Variants in STK32A observed in about 807,000 individuals in gnomAD.
The protein encoded by STK32A is serine/threonine-protein kinase 32A.
A neutral mutation model predicts 53.2 loss-of-function variants in STK32A; 41 were observed. The ratio of observed to expected loss-of-function variants is 0.77; its 90% CI spans 0.60 to 1.00. The LOEUF (loss-of-function observed/expected upper bound fraction) is 1.00. Among genes scored for constraint, STK32A ranks in the 50% least tolerant of loss-of-function variants. STK32A has a pLI of 0.00. For missense variants in STK32A, 458 were observed against 485.8 expected (o/e 0.94, Z 0.54); for synonymous variants, 166 against 162.8 (o/e 1.02, Z -0.15).
chr5:147,261,008 C>A (rs1754541473), intron 2 of STK32A, among the ~76,000 whole-genome samples: 1 of 152,184 alleles, frequency 6.6e-6, no homozygotes, highest in African/African-American at 2.4e-5. Flanking sequence ...TGTGAGGATC[C>A]TTTAAGCTAG....
chr5:147,341,678 T>C (rs1008356027), intron 5 of STK32A, among the ~76,000 whole-genome samples: 2 of 152,130 alleles, frequency 1.3e-5, no homozygotes, highest in Non-Finnish European at 2.9e-5. Flanking sequence ...TTATAAGGCC[T>C]ATAGTTATTT....
chr5:147,301,068 G>C (rs74333151), intron 4 of STK32A, among the ~76,000 whole-genome samples: 10,136 of 152,194 alleles, frequency 0.067, 378 homozygotes, highest in African/African-American at 0.11. Flanking sequence ...CACAGAAAGG[G>C]GTAGATGGTT....
At chr5:147,292,605 A>G (rs1752651183) in intron 4 of STK32A, among the ~76,000 whole-genome samples, 1 of 152,238 alleles carries the variant, frequency 6.6e-6, no homozygotes, top group African/African-American at 2.4e-5. Flanking sequence ...GCATTGGCTG[A>G]TGCCTATAAT....
chr5:147,277,994 T>A, intron 2 of STK32A, 130 bp from the exon 3 acceptor site: 1 of 725,608 alleles, frequency 1.4e-6, no homozygotes, highest in South Asian at 1.8e-5. Context: ...GATGATTAGA[T>A]TGGCATTTTA....
intron 2 of STK32A, among the ~76,000 whole-genome samples, chr5:147,257,377 A>T (rs1754282313): frequency 6.6e-6 from 1 of 152,046 alleles, no homozygotes; most frequent in South Asian, 2.1e-4. Context: ...TTTTTTCTGA[A>T]ATAGAGAGGT....
intron 2 of STK32A, among the ~76,000 whole-genome samples, chr5:147,264,855 G>T (rs1449851662): frequency 6.6e-6 from 1 of 152,024 alleles, no homozygotes; most frequent in East Asian, 1.9e-4. Context: ...GGGGTAAGTA[G>T]ATCATAGGAC....
At chr5:147,273,103 T>C (rs1053103270) in intron 2 of STK32A, among the ~76,000 whole-genome samples, 29 of 152,172 alleles carry the variant, frequency 1.9e-4, no homozygotes, top group Admixed American at 1.9e-3. Flanking sequence ...CATCAGGGTG[T>C]TATAACAGAC....
chr5:147,332,053 AT>A (rs1169772042), intron 5 of STK32A, among the ~76,000 whole-genome samples: 1 of 152,152 alleles, frequency 6.6e-6, no homozygotes, highest in African/African-American at 2.4e-5. Flanking sequence ...TGTAGTAAAT[AT>A]GTTTCTATTG....
chr5:147,375,777 G>T (rs1330376468), intron 11 of STK32A: 1 of 152,288 alleles, frequency 6.6e-6, no homozygotes, highest in African/African-American at 2.4e-5. Context: ...AATTAACTTT[G>T]TAACTAAGTA....
At chr5:147,333,345 A>T (rs988305458) in intron 5 of STK32A, among the ~76,000 whole-genome samples, 4 of 152,210 alleles carry the variant, frequency 2.6e-5, no homozygotes, top group African/African-American at 9.7e-5. Flanking sequence ...TATAATGCAT[A>T]TAGTTTTATA....
In STK32A at chr5:147,384,183, T is replaced by G. The variant is rs1039914893; in HGVS notation, c.*200T>G. On this transcript the variant is annotated 3_prime_UTR_variant, in exon 13 of 13. Coordinates refer to ENST00000397936, the MANE Select transcript of STK32A (RefSeq NM_001112724.2). ...GGGATGTCATTTCACATCAATCAAC[T>G]GTGTGATCTAGAGCAAGTCACTTAG... 4.9e-6 allele frequency: 7 copies of G among 1,429,690 alleles called. No individual in the cohort carries two copies. The highest frequency in any genetic ancestry group is 2.9e-5 in the African/African-American group (2 of 68,336). The allele number at this position is 1,429,690 out of a possible 1,614,324, so 88.6% of individuals were successfully genotyped here.
chr5:147,264,595 C>T (rs1006467666), intron 2 of STK32A, among the ~76,000 whole-genome samples: 7 of 152,074 alleles, frequency 4.6e-5, no homozygotes, highest in East Asian at 1.9e-4. Context: ...ATGGAAATAC[C>T]GAATATTGAT....
At chr5:147,373,127 C>G in intron 9 of STK32A, 42 bp from the exon 10 acceptor site, 1 of 1,602,398 alleles carries the variant, frequency 6.2e-7, no homozygotes, top group Non-Finnish European at 8.5e-7. Flanking sequence ...TTTTGTCCTT[C>G]TATCCTTTCT....
At chr5:147,343,161 A>G (rs1203536496) in intron 6 of STK32A, 118 bp downstream of exon 6, 24 of 1,080,356 alleles carry the variant, frequency 2.2e-5, no homozygotes, top group Non-Finnish European at 3.0e-5. Flanking sequence ...TTCGAGCTCT[A>G]CTTACAAACT....
intron 5 of STK32A, among the ~76,000 whole-genome samples, chr5:147,333,416 A>G (rs924178056): frequency 2.6e-5 from 4 of 152,150 alleles, no homozygotes; most frequent in African/African-American, 9.7e-5. Flanking sequence ...ACAGTTTTCC[A>G]CTGTGATATT....
intron 5 of STK32A, among the ~76,000 whole-genome samples, chr5:147,336,854 T>G (rs1561729675): frequency 6.6e-6 from 1 of 152,198 alleles, no homozygotes; most frequent in Non-Finnish European, 1.5e-5. Flanking sequence ...CTCCAGAACT[T>G]GGCGATGGCC....
At chr5:147,355,273 A>G (rs73262246) in intron 7 of STK32A, among the ~76,000 whole-genome samples, 3,431 of 152,248 alleles carry the variant, frequency 0.023, 133 homozygotes, top group African/African-American at 0.079. Context: ...TTTGCTTTTT[A>G]CAATTTATTG....
chr5:147,380,163 T>A lies in STK32A; in HGVS notation c.1033-3278T>A, dbSNP rs188465860. 2.6e-4 allele frequency among the ~76,000 whole-genome samples: 40 copies of A among 152,316 alleles called. No individual in the cohort carries two copies. The East Asian group carries it at 7.7e-3, about 29-fold the overall frequency. On this transcript the variant is annotated intron_variant, in intron 11 of 12. Coordinates refer to ENST00000397936, the MANE Select transcript of STK32A (RefSeq NM_001112724.2). ...TTTTGCATTTCACTCAATTATAACC[T>A]TGATTTTTAATGCTAAAAATTATTT... is the stretch of plus-strand genomic sequence containing the variant.
chr5:147,238,301 G>T (rs1276841126), intron 1 of STK32A, among the ~76,000 whole-genome samples: 1 of 152,154 alleles, frequency 6.6e-6, no homozygotes, highest in Non-Finnish European at 1.5e-5. Flanking sequence ...TCTGCCCAAT[G>T]CACTAATGTT....
Sources: gnomAD v4.1 joint callset for allele counts (sites outside exome capture counted in the v4.1 genomes callset) on GRCh38, gnomAD v4.1.1 for gene constraint, MANE v1.5 for transcripts, NCBI Gene and HGNC (gene_info 2026-07-23, HGNC 2026-07-21) for gene names.